Variants in EXOC1 observed in about 807,000 individuals in gnomAD.
EXOC1 encodes the protein SEC3-like 1.
In EXOC1, 67 loss-of-function variants were observed where a neutral mutation model predicts 107.7. The ratio of observed to expected loss-of-function variants is 0.62; its 90% CI spans 0.51 to 0.76. EXOC1 has a LOEUF of 0.76. EXOC1 is among the 30% of genes least tolerant of loss of function. EXOC1 has a pLI of 0.00. For missense variants in EXOC1, 833 were observed against 1,055.7 expected (o/e 0.79, Z 2.92); for synonymous variants, 348 against 353.5 (o/e 0.98, Z 0.17).
chr4:55,897,302 A>G (rs923445544), intron 16 of EXOC1, among the ~76,000 whole-genome samples: 4 of 151,952 alleles, frequency 2.6e-5, no homozygotes, highest in Admixed American at 6.6e-5. Context: ...AATTTTTTGT[A>G]GAAAATCATT....
At chr4:55,862,955 C>T (rs1287809613) in intron 3 of EXOC1, among the ~76,000 whole-genome samples, 1 of 152,100 alleles carries the variant, frequency 6.6e-6, no homozygotes, top group Non-Finnish European at 1.5e-5. Flanking sequence ...GGCTGGAGTG[C>T]GGTGGCACAA....
chr4:55,893,201 A>G (rs952013791), intron 14 of EXOC1, among the ~76,000 whole-genome samples: 1 of 152,038 alleles, frequency 6.6e-6, no homozygotes, highest in African/African-American at 2.4e-5. Context: ...CTGCAACTGC[A>G]CTTCACCTCC....
At chr4:55,871,277 A>T in intron 7 of EXOC1, 44 bp downstream of exon 7, 8 of 1,582,574 alleles carry the variant, frequency 5.1e-6, no homozygotes, top group Middle Eastern at 1.7e-4. Context: ...AGAATGTGAG[A>T]CTAAGCCTGT....
At chr4:55,873,517 A>G (rs1299130372) in intron 8 of EXOC1, among the ~76,000 whole-genome samples, 1 of 152,176 alleles carries the variant, frequency 6.6e-6, no homozygotes, top group African/African-American at 2.4e-5. Context: ...CCAGTAAACA[A>G]TAGTCTTTTC....
chr4:55,898,548 T>C (rs77277672), intron 16 of EXOC1, among the ~76,000 whole-genome samples: 2,548 of 152,316 alleles, frequency 0.017, 37 homozygotes, highest in Non-Finnish European at 0.026. Context: ...AATCAGCGAA[T>C]AGAATTTTCA....
At chr4:55,893,833 T>A in intron 15 of EXOC1, 53 bp downstream of exon 15, 1 of 1,352,262 alleles carries the variant, frequency 7.4e-7, no homozygotes, top group Non-Finnish European at 1.0e-6. Context: ...TTGCAAAATA[T>A]AGGTAAATGT....
intron 1 of EXOC1, among the ~76,000 whole-genome samples, chr4:55,857,337 G>C (rs1721088862): frequency 6.6e-6 from 1 of 151,228 alleles, no homozygotes; most frequent in Admixed American, 6.6e-5. Flanking sequence ...CCACCACCAT[G>C]CCCGGCTAAT....
intron 14 of EXOC1, 40 bp downstream of exon 14, chr4:55,892,751 TA>T: frequency 6.2e-7 from 1 of 1,603,002 alleles, no homozygotes; most frequent in Non-Finnish European, 8.5e-7. Context: ...TTGGAAAAAA[TA>T]AACTTTAAAA....
rs926569103 is a variant in EXOC1, at chr4:55,877,450, A to G, written c.1075-467A>G. ...CAAGGTTCCAATTCCAAGCTCTAAG[A>G]CTTTATATTCTACTTTTTTTTATCT... On this transcript the variant is annotated intron_variant, in intron 8 of 18. Transcript: ENST00000381295. 3 of 985,168 alleles carry G rather than the reference A, an allele frequency of 3.0e-6. No homozygotes were observed. The African/African-American group carries it at 5.2e-5, about 17-fold the overall frequency. The allele number at this position is 985,168 out of a possible 1,614,324, so 61.0% of individuals were successfully genotyped here. A position where few individuals can be genotyped will look rare whatever the true frequency, so the allele number is the denominator to read the frequency against.
chr4:55,867,238 G>T (rs1294104078), intron 4 of EXOC1, among the ~76,000 whole-genome samples: 4 of 152,272 alleles, frequency 2.6e-5, no homozygotes, highest in Admixed American at 2.6e-4. Flanking sequence ...TCGTTGAAAG[G>T]ACAAGGAGAT....
chr4:55,902,662 G>T (rs867282630), intron 18 of EXOC1, 124 bp downstream of exon 18: 3 of 634,614 alleles, frequency 4.7e-6, no homozygotes, highest in Non-Finnish European at 2.3e-6. Context: ...GTACAGACCA[G>T]ATTAATGAAT....
At chr4:55,877,410 T>G in intron 8 of EXOC1, 4 of 985,382 alleles carry the variant, frequency 4.1e-6, no homozygotes, top group Non-Finnish European at 4.8e-6. Flanking sequence ...AAGACAGAAG[T>G]AAGACTCAGA....
chr4:55,858,572 T>C, intron 2 of EXOC1, 125 bp downstream of exon 2: 1 of 1,007,202 alleles, frequency 9.9e-7, no homozygotes, highest in East Asian at 2.9e-5. Flanking sequence ...AACACATTCC[T>C]AGTTAACACT....
chr4:55,876,738 T>C, intron 8 of EXOC1: 1 of 985,394 alleles, frequency 1.0e-6, no homozygotes, highest in Non-Finnish European at 1.2e-6. Flanking sequence ...TAAGTAGATA[T>C]CAGTAAGATG....
At chr4:55,883,017 A>G (rs1469854648) in intron 9 of EXOC1, 6 of 152,118 alleles carry the variant, frequency 3.9e-5, no homozygotes, top group Non-Finnish European at 7.4e-5. Flanking sequence ...TTATGTGATA[A>G]TAAGTAGAGA....
Position 55,864,213 on chromosome 4 carries a change from T to C in EXOC1, c.256-14T>C. 6.9e-7 allele frequency: 1 copy of C among 1,456,106 alleles called. No homozygotes were observed. Among genetic ancestry groups the C allele is most frequent in the Non-Finnish European group, 9.4e-7 (1 of 1,069,346 alleles). The allele number at this position is 1,456,106 out of a possible 1,614,324, so 90.2% of individuals were successfully genotyped here. ...GTGATCAAAAATAATATCTTTTGTA[T>C]ATTTTTATTTTAGGAAAATCCTGAA... On this transcript the variant is annotated splice_polypyrimidine_tract_variant and intron_variant, in intron 3 of 18. Coordinates refer to ENST00000381295, the MANE Select transcript of EXOC1 (RefSeq NM_001024924.2).
chr4:55,873,948 A>C (rs1722667551), intron 8 of EXOC1, among the ~76,000 whole-genome samples: 1 of 152,164 alleles, frequency 6.6e-6, no homozygotes, highest in Non-Finnish European at 1.5e-5. Context: ...TCCTACCCTC[A>C]AGATGCTTGT....
chr4:55,862,206 A>G (rs923786569), intron 3 of EXOC1, among the ~76,000 whole-genome samples: 17 of 152,342 alleles, frequency 1.1e-4, no homozygotes, highest in Non-Finnish European at 2.2e-4. Context: ...TTTTCCCTTC[A>G]GTAGTTTTGC....
At chr4:55,904,144 T>C (rs1038317806) in intron 18 of EXOC1, among the ~76,000 whole-genome samples, 199 bp from the exon 19 acceptor site, 2 of 151,568 alleles carry the variant, frequency 1.3e-5, no homozygotes, top group African/African-American at 4.8e-5. Context: ...GATGAGGAAC[T>C]TGAGGCATAG....
Sources: gnomAD v4.1 joint callset for allele counts (sites outside exome capture counted in the v4.1 genomes callset) on GRCh38, gnomAD v4.1.1 for gene constraint, MANE v1.5 for transcripts, NCBI Gene and HGNC (gene_info 2026-07-23, HGNC 2026-07-21) for gene names.